The following PCDHGA3 variants were observed in gnomAD, a reference collection of about 807,000 sequenced individuals.
PCDHGA3 encodes protocadherin gamma subfamily A, 3.
A neutral mutation model predicts 58.5 loss-of-function variants in PCDHGA3; 40 were observed. The ratio of observed to expected loss-of-function variants is 0.68; its 90% confidence interval spans 0.53 to 0.89. The LOEUF is 0.89. PCDHGA3 is among the 40% of genes least tolerant of loss of function. The probability of loss-of-function intolerance (pLI) is 0.00; values close to 1 mark genes in which losing one functional copy is unlikely to be tolerated. For synonymous variants in PCDHGA3, 530 were observed against 525.7 expected (o/e 1.01, Z -0.11); for missense variants, 1,223 against 1,195.9 (o/e 1.02, Z -0.33).
rs1480686339 is a variant in PCDHGA3, at chr5:141,415,643, A to G, written c.2424+69186A>G. ...TTTATTTTCATTTTTACTTTTGTTA[A>G]AAAAAAAAAGATTGGTTTTTACTTT... is the stretch of plus-strand genomic sequence containing the variant. On this transcript the variant is annotated intron_variant, in intron 1 of 3. Transcript: ENST00000253812. The G allele has an allele frequency of 5.1e-6, 8 of 1,571,752 alleles. No individual in the cohort carries two copies. In the South Asian group the frequency reaches 9.1e-5, roughly 18 times the overall value.
intron 2 of PCDHGA3, among the ~76,000 whole-genome samples, chr5:141,503,432 TA>T (rs1423418926): frequency 6.6e-6 from 1 of 151,668 alleles, no homozygotes; most frequent in African/African-American, 2.4e-5. Flanking sequence ...CCATCTCTAC[TA>T]AAAATACAAA....
intron 1 of PCDHGA3, among the ~76,000 whole-genome samples, chr5:141,363,501 C>A (rs187528196): frequency 6.6e-6 from 1 of 152,306 alleles, no homozygotes; most frequent in East Asian, 1.9e-4. Flanking sequence ...AATAAAACCC[C>A]ATCCTCCACA....
rs2233603 is a variant in PCDHGA3 at position 141,490,063 on chromosome 5, G to A, written c.2425-4744G>A. 1,259 of 1,614,208 alleles carry A rather than the reference G, an allele frequency of 7.8e-4. 6 individuals carry two copies. The African/African-American group carries it at 0.013, about 16-fold the overall frequency. On this transcript the variant is annotated intron_variant, in intron 1 of 3. Transcript: ENST00000253812. The surrounding 1 kb of genome is among the most constrained non-coding windows in gnomAD (Gnocchi z 5.4). ...CACTGATCCAGACGAGGGCACCAAC[G>A]GCCAACTAGACTATTCTTTTGGAGA...
intron 1 of PCDHGA3, chr5:141,413,279 TCTC>T (rs759727755): frequency 2.4e-5 from 39 of 1,613,826 alleles, no homozygotes; most frequent in Non-Finnish European, 3.1e-5. Flanking sequence ...GCCCGGCAGA[TCTC>T]CTACTCAATT....
chr5:141,379,889 C>CTTTTTTTTTTTGTTTT (rs1775949907), intron 1 of PCDHGA3, among the ~76,000 whole-genome samples: 1 of 50,830 alleles, frequency 2.0e-5, no homozygotes, highest in Non-Finnish European at 3.9e-5. Flanking sequence ...GTGAAAGCCT[C>CTTTTTTTTTTTGTTTT]TTTTTTTTTT....
intron 1 of PCDHGA3, chr5:141,410,823 C>CCAGACTGA (rs2095425464): frequency 2.1e-6 from 1 of 479,988 alleles, no homozygotes; most frequent in African/African-American, 2.5e-5. Flanking sequence ...AATAATGTCA[C>CCAGACTGA]CAGACTGAAG....
At chr5:141,419,023 A>T (rs768427376) in intron 1 of PCDHGA3, 2 of 1,613,958 alleles carry the variant, frequency 1.2e-6, no homozygotes, top group Non-Finnish European at 1.7e-6. Flanking sequence ...GCTTAAGTAG[A>T]GGTGTTCCAT....
intron 1 of PCDHGA3, among the ~76,000 whole-genome samples, chr5:141,480,895 A>G (rs1275670492): frequency 6.6e-6 from 1 of 152,048 alleles, no homozygotes; most frequent in African/African-American, 2.4e-5. Flanking sequence ...AAATGCAAAC[A>G]TTAGCTGGGC....
chr5:141,483,401 A>G (rs1052240280), intron 1 of PCDHGA3, among the ~76,000 whole-genome samples: 2 of 152,202 alleles, frequency 1.3e-5, no homozygotes, highest in African/African-American at 4.8e-5. Context: ...TGCTTGAACC[A>G]GCACAGTGGC....
intron 1 of PCDHGA3, chr5:141,405,405 T>C (rs765108115): frequency 1.4e-5 from 22 of 1,588,008 alleles, no homozygotes; most frequent in Non-Finnish European, 1.9e-5. Context: ...TTTCTTTCTT[T>C]TCTTTTTTTG....
chr5:141,373,163 A>G (rs1171278735), intron 1 of PCDHGA3, among the ~76,000 whole-genome samples: 1 of 152,252 alleles, frequency 6.6e-6, no homozygotes, highest in Non-Finnish European at 1.5e-5. Context: ...GTTTTAATGC[A>G]GTCAATCCTA....
chr5:141,418,804 T>A, intron 1 of PCDHGA3: 2 of 1,613,836 alleles, frequency 1.2e-6, no homozygotes, highest in Non-Finnish European at 1.7e-6. Flanking sequence ...TAGAAAGATA[T>A]ACGATAAACA....
At chr5:141,413,806 A>G (rs775797735) in intron 1 of PCDHGA3, 1 of 1,613,168 alleles carries the variant, frequency 6.2e-7, no homozygotes, top group Non-Finnish European at 8.5e-7. Context: ...GGAAGAGGCC[A>G]TTCACCACCT....
intron 1 of PCDHGA3, chr5:141,362,523 T>G: frequency 6.2e-7 from 1 of 1,614,040 alleles, no homozygotes; most frequent in Non-Finnish European, 8.5e-7. Context: ...ATGGAGCCGC[T>G]GGGGTCCCTT....
intron 1 of PCDHGA3, among the ~76,000 whole-genome samples, chr5:141,400,862 A>C (rs1239905125): frequency 6.6e-6 from 1 of 152,224 alleles, no homozygotes; most frequent in African/African-American, 2.4e-5. Context: ...TTGTATGTAG[A>C]TAAACCATTA....
intron 1 of PCDHGA3, chr5:141,394,896 G>A: frequency 4.3e-6 from 7 of 1,613,872 alleles, no homozygotes; most frequent in Non-Finnish European, 5.9e-6. Context: ...CTATCTCGTG[G>A]TGGCAGTGGC....
chr5:141,350,679 G>C, intron 1 of PCDHGA3: 1 of 1,613,996 alleles, frequency 6.2e-7, no homozygotes, highest in Non-Finnish European at 8.5e-7. Flanking sequence ...TTAGAAATTT[G>C]TGAGTCAGCC....
chr5:141,401,283 G>A (rs751622626), intron 1 of PCDHGA3, among the ~76,000 whole-genome samples: 2 of 152,044 alleles, frequency 1.3e-5, no homozygotes, highest in Non-Finnish European at 2.9e-5. Flanking sequence ...TGGAGGTTGC[G>A]GTGAGCCGAG....
rs369851570 is a variant in PCDHGA3, at chr5:141,408,393, G to T, written c.2424+61936G>T. 1.7e-5 allele frequency: 28 copies of T among 1,613,918 alleles called. No individual in the cohort carries two copies. In the Admixed American group the frequency reaches 2.2e-4, roughly 12 times the overall value. On this transcript the variant is annotated intron_variant, in intron 1 of 3. Coordinates refer to ENST00000253812, the MANE Select transcript of PCDHGA3 (RefSeq NM_018916.4). Reference sequence around the variant, plus strand: ...CTCAGTGTCCTGGATGTGTCGGCTCGCAAGCTGCGAGTGAGCGCGGAGAAG... The same window carrying T: ...CTCAGTGTCCTGGATGTGTCGGCTCTCAAGCTGCGAGTGAGCGCGGAGAAG...
Sources: gnomAD v4.1 joint callset for allele counts (sites outside exome capture counted in the v4.1 genomes callset) on GRCh38, gnomAD v4.1.1 for gene constraint, Gnocchi (gnomAD v3.1) non-coding constraint, MANE v1.5 for transcripts, NCBI Gene and HGNC (gene_info 2026-07-23, HGNC 2026-07-21) for gene names.